Variants in PARP11 observed in about 807,000 individuals in gnomAD.
The protein encoded by PARP11 is protein mono-ADP-ribosyltransferase PARP11.
Under a neutral mutation model 42.9 loss-of-function variants are expected in PARP11, and 31 were observed. That is an observed-to-expected ratio of 0.72 (90% confidence interval 0.54 to 0.98). The LOEUF is 0.98. Among genes scored for constraint, PARP11 ranks in the 50% least tolerant of loss-of-function variants. The pLI is 0.00. For missense variants in PARP11, 365 were observed against 413.1 expected, an observed-to-expected ratio of 0.88 and a Z score of 1.01; for synonymous variants, 137 against 127.3, an observed-to-expected ratio of 1.08 and a Z score of -0.51.
chr12:3,832,190 G>A (rs3809252), intron 1 of PARP11: 20,177 of 759,926 alleles, frequency 0.027, 726 homozygotes, highest in East Asian at 0.16. Flanking sequence ...GTTATAAATC[G>A]CTTTGGGTGG....
intron 1 of PARP11, among the ~76,000 whole-genome samples, chr12:3,851,130 T>TG (rs1229633808): frequency 6.6e-6 from 1 of 152,126 alleles, no homozygotes; most frequent in Non-Finnish European, 1.5e-5. Context: ...GATACAGCAT[T>TG]GGGGGTCCAT....
chr12:3,821,677 G>A (rs577293208), intron 6 of PARP11, among the ~76,000 whole-genome samples, 196 bp downstream of exon 6: 3 of 152,330 alleles, frequency 2.0e-5, no homozygotes, highest in African/African-American at 7.2e-5. Context: ...TTCTCACATT[G>A]CAATGCTACA....
chr12:3,839,187 C>G (rs1026636418), intron 1 of PARP11, among the ~76,000 whole-genome samples: 39 of 149,634 alleles, frequency 2.6e-4, no homozygotes, highest in South Asian at 8.3e-4. Flanking sequence ...CCGCCGCTCG[C>G]GGAGCCCGAG....
intron 3 of PARP11, among the ~76,000 whole-genome samples, 164 bp from the exon 4 acceptor site, chr12:3,826,397 G>A (rs1228198224): frequency 1.3e-5 from 2 of 152,240 alleles, no homozygotes; most frequent in African/African-American, 4.8e-5. Context: ...AGCTAGCTAT[G>A]TACCACGTTG....
chr12:3,812,949 C>T (rs1303769029), intron 7 of PARP11, among the ~76,000 whole-genome samples: 15 of 147,010 alleles, frequency 1.0e-4, no homozygotes, highest in Non-Finnish European at 2.1e-4. Context: ...ATTACAGGCG[C>T]GTGCCACCAC....
At chr12:3,857,496 C>T (rs1165956716) in intron 1 of PARP11, among the ~76,000 whole-genome samples, 1 of 152,116 alleles carries the variant, frequency 6.6e-6, no homozygotes, top group East Asian at 1.9e-4. Flanking sequence ...ACAGCCTTTA[C>T]AGGAATTAAG....
At chr12:3,833,717 G>GA (rs757534017) in intron 1 of PARP11, among the ~76,000 whole-genome samples, 1 of 152,330 alleles carries the variant, frequency 6.6e-6, no homozygotes, top group Non-Finnish European at 1.5e-5. Flanking sequence ...ATTCATTCAA[G>GA]AAAATGTACT....
chr12:3,819,073 G>A (rs1456441894), intron 6 of PARP11, among the ~76,000 whole-genome samples: 1 of 152,182 alleles, frequency 6.6e-6, no homozygotes, highest in Non-Finnish European at 1.5e-5. Flanking sequence ...GTCAACTGCT[G>A]TATATCAACT....
intron 4 of PARP11, 45 bp downstream of exon 4, chr12:3,826,113 G>GA (rs766917790): frequency 0.031 from 30,585 of 996,134 alleles, no homozygotes; most frequent in South Asian, 0.039. Flanking sequence ...CCAATAGTAA[G>GA]AAAAAAAAAA....
chr12:3,868,333 A>G (rs1289531975), intron 1 of PARP11, among the ~76,000 whole-genome samples: 1 of 151,958 alleles, frequency 6.6e-6, no homozygotes, highest in African/African-American at 2.4e-5. Flanking sequence ...AGTGGTGCAC[A>G]TGTGTAGTTC....
chr12:3,860,834 G>A (rs1012112282), intron 1 of PARP11, among the ~76,000 whole-genome samples: 1 of 152,010 alleles, frequency 6.6e-6, no homozygotes, highest in African/African-American at 2.4e-5. Flanking sequence ...ATGACACCAC[G>A]TCTGGCCAAT....
At chr12:3,842,165 T>C in intron 1 of PARP11, 1 of 1,611,938 alleles carries the variant, frequency 6.2e-7, no homozygotes, top group Non-Finnish European at 8.5e-7. Context: ...AAGTAAAAGA[T>C]CCTAAGACTG....
intron 2 of PARP11, 122 bp from the exon 3 acceptor site, chr12:3,829,152 G>C: frequency 1.0e-6 from 1 of 964,818 alleles, no homozygotes; most frequent in Non-Finnish European, 1.6e-6. Context: ...CTAATCACCT[G>C]TTCTAGTTCC....
At position 3,809,858 on chromosome 12, in the gene PARP11, C is replaced by T. The variant is rs533093887; in HGVS notation, c.*2265G>A. 1.1e-4 allele frequency: 17 copies of T among 152,236 alleles called. No individual in the cohort carries two copies. In the South Asian group the frequency reaches 1.5e-3, roughly 13 times the overall value. The allele number at this position is 152,236 out of a possible 1,614,324, so 9.4% of individuals were successfully genotyped here. A position where few individuals can be genotyped will look rare whatever the true frequency, so the allele number is the denominator to read the frequency against. ...GATAATCTCTAGATGCTTTTTAAAG[C>T]GCTTTTTCTAAATATTCTCAGCACT... On this transcript the variant is annotated 3_prime_UTR_variant, in exon 8 of 8. Coordinates refer to ENST00000228820, the MANE Select transcript of PARP11 (RefSeq NM_020367.6).
At chr12:3,814,319 CA>C (rs777246753) in intron 6 of PARP11, 131 bp from the exon 7 acceptor site, 214 of 613,188 alleles carry the variant, frequency 3.5e-4, no homozygotes, top group Middle Eastern at 4.8e-4. Context: ...AACAAGTGGA[CA>C]AAGCAAGTCT....
Position 3,861,545 on chromosome 12 carries a change from T to C in PARP11, c.18+11667A>G, listed in dbSNP as rs370056433. ...AGTTCCTTCTCTTGAGATTTCAGAG[T>C]TCTTAATATATTCTATGTACAAGTC... On this transcript the variant is annotated intron_variant, in intron 1 of 7. Coordinates refer to ENST00000228820, the MANE Select transcript of PARP11 (RefSeq NM_020367.6). This position sits in a 1 kb window ranked among gnomAD's most constrained non-coding sequence, Gnocchi z 4.6. Among the ~76,000 whole-genome samples the C allele has an allele frequency of 6.6e-6, 1 of 152,236 alleles. No homozygotes were observed. The highest frequency in any genetic ancestry group is 2.4e-5 in the African/African-American group (1 of 41,466).
At chr12:3,824,545 G>T in intron 4 of PARP11, 1 of 495,992 alleles carries the variant, frequency 2.0e-6, no homozygotes, top group Non-Finnish European at 2.6e-6. Context: ...TTCTATATCA[G>T]CACCTACTGA....
intron 7 of PARP11, 148 bp from the exon 8 acceptor site, chr12:3,812,587 G>T (rs1947204456): frequency 1.6e-6 from 1 of 642,512 alleles, no homozygotes; most frequent in African/African-American, 1.8e-5. Context: ...TTTAAGAGAA[G>T]AATAGAAATC....
intron 7 of PARP11, among the ~76,000 whole-genome samples, chr12:3,813,301 G>C (rs1352201095): frequency 6.6e-6 from 1 of 152,144 alleles, no homozygotes; most frequent in Non-Finnish European, 1.5e-5. Flanking sequence ...GGAAACAATA[G>C]AATCCCATAT....
Sources: allele counts gnomAD v4.1 joint callset (sites outside exome capture counted in the v4.1 genomes callset), GRCh38; gene constraint gnomAD v4.1.1; non-coding constraint Gnocchi (gnomAD v3.1); transcripts MANE v1.5; gene names NCBI Gene and HGNC (gene_info 2026-07-23, HGNC 2026-07-21).